PSD3: variants seen among roughly 807,000 people sequenced by gnomAD.
PSD3 encodes the protein pleckstrin and Sec7 domain containing 3.
In PSD3, 49 loss-of-function variants were observed where a neutral mutation model predicts 105.5. That is an observed-to-expected ratio of 0.46 (90% CI 0.37 to 0.59). The LOEUF (loss-of-function observed/expected upper bound fraction) is 0.59. PSD3 is among the 20% of genes least tolerant of loss of function. PSD3 has a pLI of 0.00. For synonymous variants in PSD3, 557 were observed against 457.8 expected (o/e 1.22, Z -2.77); for missense variants, 1,561 against 1,263.8 (o/e 1.24, Z -3.57).
intron 7 of PSD3, among the ~76,000 whole-genome samples, chr8:18,800,339 G>C (rs1261004969): frequency 6.6e-6 from 1 of 152,236 alleles, no homozygotes; most frequent in African/African-American, 2.4e-5. Context: ...CGATAGGAAT[G>C]TGACCTTAAT....
intron 1 of PSD3, among the ~76,000 whole-genome samples, chr8:19,006,847 CA>C (rs1039647817): frequency 3.9e-5 from 6 of 151,980 alleles, no homozygotes; most frequent in Non-Finnish European, 7.4e-5. Flanking sequence ...CAGGTGTCCC[CA>C]AAACACCTTA....
At chr8:18,755,978 C>A (rs1806014385) in intron 9 of PSD3, among the ~76,000 whole-genome samples, 1 of 152,140 alleles carries the variant, frequency 6.6e-6, no homozygotes, top group South Asian at 2.1e-4. Flanking sequence ...CCTTTCATCA[C>A]CTAACTCAGC....
At chr8:18,727,859 G>A (rs1387460217) in intron 9 of PSD3, among the ~76,000 whole-genome samples, 5 of 151,976 alleles carry the variant, frequency 3.3e-5, no homozygotes, top group East Asian at 1.9e-4. Flanking sequence ...CCCACCCATC[G>A]AGTTGGCCTC....
At position 18,860,643 on chromosome 8, in the gene PSD3, A is replaced by AG. The variant is rs561717821; in HGVS notation, c.1634+7030_1634+7031insC. ...ATTCCTGTGTAAAACACCTTCAGAG[A>AG]ACAATTTACTCAAGAAAGTTGGTGT... is the stretch of plus-strand genomic sequence containing the variant. On this transcript the variant is annotated intron_variant, in intron 4 of 15. Coordinates refer to ENST00000327040, the MANE Select transcript of PSD3 (RefSeq NM_015310.4). Among the ~76,000 whole-genome samples the AG allele has an allele frequency of 3.0e-4, 46 of 152,270 alleles. 3 individuals are homozygous for AG. The East Asian group carries it at 3.9e-3, about 13-fold the overall frequency.
At chr8:19,013,413 A>C in intron 1 of PSD3, 150 bp downstream of exon 1, 2 of 1,020,544 alleles carry the variant, frequency 2.0e-6, no homozygotes, top group Non-Finnish European at 2.8e-6. Context: ...CGCGAAGAGA[A>C]AAATCGCACC....
chr8:18,578,831 G>A (rs186623295), intron 12 of PSD3, among the ~76,000 whole-genome samples: 69 of 151,984 alleles, frequency 4.5e-4, no homozygotes, highest in African/African-American at 1.6e-3. Flanking sequence ...TTTTAAAAGA[G>A]GACTCTATTC....
chr8:18,891,513 AC>A (rs1281973432), intron 2 of PSD3, among the ~76,000 whole-genome samples: 1 of 152,106 alleles, frequency 6.6e-6, no homozygotes, highest in African/African-American at 2.4e-5. Context: ...TTCTATCCTA[AC>A]CTACAGTATC....
intron 9 of PSD3, among the ~76,000 whole-genome samples, chr8:18,726,542 T>G (rs1304531284): frequency 6.6e-6 from 1 of 152,340 alleles, no homozygotes; most frequent in East Asian, 1.9e-4. Flanking sequence ...TACCTAGAAC[T>G]AGGCCCAAAT....
At chr8:19,036,592 G>A (rs1388523143) in intron 1 of PSD3, among the ~76,000 whole-genome samples, 3 of 152,194 alleles carry the variant, frequency 2.0e-5, no homozygotes, top group Non-Finnish European at 4.4e-5. Flanking sequence ...CTCAGAGAGT[G>A]CTGCAGATGG....
chr8:18,634,554 T>C (rs952816310), intron 10 of PSD3, among the ~76,000 whole-genome samples: 5 of 152,134 alleles, frequency 3.3e-5, no homozygotes, highest in African/African-American at 9.7e-5. Flanking sequence ...CTATCCATGA[T>C]CCCACAGTGC....
intron 1 of PSD3, among the ~76,000 whole-genome samples, chr8:18,955,303 C>T (rs901001265): frequency 2.0e-5 from 3 of 152,124 alleles, no homozygotes; most frequent in Admixed American, 6.6e-5. Flanking sequence ...TGCAGTGGCA[C>T]GATCATAGTT....
At chr8:18,938,573 C>G (rs1289022132) in intron 1 of PSD3, among the ~76,000 whole-genome samples, 1 of 146,502 alleles carries the variant, frequency 6.8e-6, no homozygotes, top group East Asian at 2.0e-4. Flanking sequence ...CAGTGAACCG[C>G]GATGGCGCTA....
chr8:18,835,886 G>T (rs10103348), intron 4 of PSD3, among the ~76,000 whole-genome samples: 1 of 151,396 alleles, frequency 6.6e-6, no homozygotes, highest in South Asian at 2.1e-4. Context: ...TAGATGGGGG[G>T]GCGGATCGTG....
chr8:18,636,202 T>A (rs149031432), intron 10 of PSD3, among the ~76,000 whole-genome samples: 5 of 152,290 alleles, frequency 3.3e-5, no homozygotes, highest in African/African-American at 4.8e-5. Flanking sequence ...CGTGTGTATT[T>A]GTGTTCTAAT....
chr8:19,053,132 C>T (rs1186146608), intron 1 of PSD3, among the ~76,000 whole-genome samples: 1 of 151,930 alleles, frequency 6.6e-6, no homozygotes, highest in East Asian at 1.9e-4. Context: ...CACAGTGGTT[C>T]ACTATAAATT....
At chr8:18,667,652 C>A (rs1348892090) in intron 9 of PSD3, among the ~76,000 whole-genome samples, 1 of 152,230 alleles carries the variant, frequency 6.6e-6, no homozygotes, top group African/African-American at 2.4e-5. Flanking sequence ...GCAGGCAGAG[C>A]TGCCCGCCAG....
intron 4 of PSD3, among the ~76,000 whole-genome samples, chr8:18,866,786 T>G (rs1220694956): frequency 6.6e-6 from 1 of 152,064 alleles, no homozygotes; most frequent in Non-Finnish European, 1.5e-5. Context: ...TGGCTTTTTT[T>G]TTTTTTAACA....
At chr8:18,874,610 C>T (rs145140729) in intron 2 of PSD3, among the ~76,000 whole-genome samples, 6,941 of 147,090 alleles carry the variant, frequency 0.047, 189 homozygotes, top group Admixed American at 0.089. Context: ...GGCTGAGGCA[C>T]GAGAATCATT....
chr8:18,773,250 C>G (rs1378391763), intron 8 of PSD3, among the ~76,000 whole-genome samples: 1 of 152,126 alleles, frequency 6.6e-6, no homozygotes, highest in East Asian at 1.9e-4. Flanking sequence ...TGTATTCACA[C>G]TACCATTTTT....
Sources: gnomAD v4.1 joint callset for allele counts (sites outside exome capture counted in the v4.1 genomes callset) on GRCh38, gnomAD v4.1.1 for gene constraint, MANE v1.5 for transcripts, NCBI Gene and HGNC (gene_info 2026-07-23, HGNC 2026-07-21) for gene names.